The following PDE11A variants were observed in gnomAD, a reference collection of about 807,000 sequenced individuals.
PDE11A encodes phosphodiesterase 11A.
A neutral mutation model predicts 100.5 loss-of-function variants in PDE11A; 100 were observed. The observed-to-expected ratio is 1.00, with a 90% CI of 0.85 to 1.18. PDE11A has a LOEUF of 1.18. Among genes scored for constraint, PDE11A ranks in the 50% most tolerant of loss-of-function variants. PDE11A has a pLI of 0.00. For synonymous variants in PDE11A, 381 were observed against 420.8 expected, an observed-to-expected ratio of 0.91 and a Z score of 1.16; for missense variants, 1,141 against 1,152.6, an observed-to-expected ratio of 0.99 and a Z score of 0.15.
At chr2:177,865,231 C>A (rs1294045641) in intron 5 of PDE11A, among the ~76,000 whole-genome samples, 1 of 152,058 alleles carries the variant, frequency 6.6e-6, no homozygotes, top group Non-Finnish European at 1.5e-5. Flanking sequence ...TGAGCCGAGA[C>A]TGTGCCACTG....
intron 1 of PDE11A, among the ~76,000 whole-genome samples, chr2:178,051,988 G>A (rs549125577): frequency 1.3e-5 from 2 of 152,028 alleles, no homozygotes; most frequent in African/African-American, 4.8e-5. Flanking sequence ...CCCAGGAATT[G>A]AACTCAGCTC....
At chr2:177,845,632 G>A (rs538183056) in intron 5 of PDE11A, among the ~76,000 whole-genome samples, 6 of 152,220 alleles carry the variant, frequency 3.9e-5, no homozygotes, top group South Asian at 2.1e-4. Context: ...ACGGGGTGGC[G>A]GCCGGGCAGA....
At chr2:178,078,879 C>T (rs1340343068) in intron 2 of PDE11A, among the ~76,000 whole-genome samples, 6 of 152,090 alleles carry the variant, frequency 3.9e-5, no homozygotes, top group Admixed American at 6.5e-5. Context: ...GTCTAAGAGT[C>T]ATGTCTTTCC....
At chr2:177,903,237 T>G (rs1373252448) in intron 3 of PDE11A, among the ~76,000 whole-genome samples, 1 of 152,174 alleles carries the variant, frequency 6.6e-6, no homozygotes, top group Non-Finnish European at 1.5e-5. Flanking sequence ...TTATGTGGCT[T>G]TGCTCCTTCT....
intron 9 of PDE11A, among the ~76,000 whole-genome samples, chr2:177,781,539 G>C (rs927192023): frequency 3.4e-5 from 5 of 149,124 alleles, no homozygotes; most frequent in African/African-American, 1.2e-4. Flanking sequence ...CTGTCACTCT[G>C]TTCCCCAGGC....
chr2:177,794,869 T>A (rs2082683637), intron 9 of PDE11A, among the ~76,000 whole-genome samples: 1 of 152,170 alleles, frequency 6.6e-6, no homozygotes, highest in Non-Finnish European at 1.5e-5. Context: ...CACTGCAACC[T>A]CTGCCTCCCG....
chr2:177,636,448 A>G (rs2080039871), intron 19 of PDE11A, among the ~76,000 whole-genome samples: 1 of 152,186 alleles, frequency 6.6e-6, no homozygotes, highest in Non-Finnish European at 1.5e-5. Flanking sequence ...AGGTGTTTTC[A>G]GTGTGTTTCA....
intron 2 of PDE11A, among the ~76,000 whole-genome samples, chr2:178,007,257 C>A (rs541425512): frequency 6.6e-6 from 1 of 152,248 alleles, no homozygotes; most frequent in South Asian, 2.1e-4. Flanking sequence ...TTTCTCTGAA[C>A]TATATTGGCC....
At chr2:177,854,859 G>C (rs771177332) in intron 5 of PDE11A, among the ~76,000 whole-genome samples, 2 of 152,050 alleles carry the variant, frequency 1.3e-5, no homozygotes, top group African/African-American at 2.4e-5. Flanking sequence ...AGGTTATCTG[G>C]ATCACTTGCT....
intron 10 of PDE11A, among the ~76,000 whole-genome samples, chr2:177,733,102 C>G (rs2081718231): frequency 6.6e-6 from 1 of 152,154 alleles, no homozygotes; most frequent in East Asian, 1.9e-4. Flanking sequence ...ATTGCATCTT[C>G]CAAACCTATA....
chr2:177,980,225 T>G (rs2085864736), intron 2 of PDE11A, among the ~76,000 whole-genome samples: 1 of 150,666 alleles, frequency 6.6e-6, no homozygotes, highest in Admixed American at 6.6e-5. Flanking sequence ...ATCCCGATAT[T>G]CCCAATTCTA....
intron 6 of PDE11A, among the ~76,000 whole-genome samples, chr2:177,830,565 C>T (rs2083292589): frequency 6.6e-6 from 1 of 151,052 alleles, no homozygotes; most frequent in South Asian, 2.1e-4. Context: ...TGAGCCACTG[C>T]ACTCCAGCCT....
chr2:177,791,389 G>A (rs867828765), intron 9 of PDE11A, among the ~76,000 whole-genome samples: 11 of 120,390 alleles, frequency 9.1e-5, no homozygotes, highest in East Asian at 2.8e-4. Flanking sequence ...GACTGTTGTC[G>A]GGTGGGGGGA....
At chr2:177,909,959 T>A (rs1019128959) in intron 2 of PDE11A, among the ~76,000 whole-genome samples, 4 of 152,354 alleles carry the variant, frequency 2.6e-5, no homozygotes, top group African/African-American at 7.2e-5. Context: ...TCTTGGTAGA[T>A]TATCTGCCTT....
upstream of PDE11A, among the ~76,000 whole-genome samples, chr2:178,073,909 GTTTT>G (rs796149790): frequency 7.0e-6 from 1 of 143,132 alleles, no homozygotes; most frequent in Admixed American, 7.0e-5. Context: ...ATGTGTCAGG[GTTTT>G]TTTTTTTTTA....
intron 1 of PDE11A, among the ~76,000 whole-genome samples, chr2:178,025,172 AG>A (rs1332582331): frequency 6.6e-6 from 1 of 152,260 alleles, no homozygotes; most frequent in African/African-American, 2.4e-5. Context: ...AGTTCTAAAT[AG>A]TACAAAAGAT....
intron 9 of PDE11A, among the ~76,000 whole-genome samples, chr2:177,815,118 C>A (rs1483175577): frequency 6.6e-6 from 1 of 152,086 alleles, no homozygotes; most frequent in Non-Finnish European, 1.5e-5. Flanking sequence ...ATGGGTGAAG[C>A]AACACTGTGG....
rs868176191 is a variant in PDE11A at position 177,631,522 on chromosome 2, T to A, written c.2647-1960A>T. On this transcript the variant is annotated intron_variant, in intron 19 of 19. Transcript: ENST00000286063. ...AAAAAAAAAAAAAAAAATATATATA[T>A]ATATATATATATATATATATATATA... Among the ~76,000 whole-genome samples the A allele has an allele frequency of 5.9e-4, 8 of 13,510 alleles. 1 individual carries two copies. The highest frequency in any genetic ancestry group is 1.6e-3 in the African/African-American group (8 of 4,860). 8.9% of individuals were successfully genotyped at this position (13,510 alleles called of 152,430 possible).
At chr2:177,841,900 A>G (rs2083497096) in intron 5 of PDE11A, among the ~76,000 whole-genome samples, 1 of 152,184 alleles carries the variant, frequency 6.6e-6, no homozygotes, top group Non-Finnish European at 1.5e-5. Flanking sequence ...AAACAAAAGA[A>G]CAAAAAAGTT....
Sources: gnomAD v4.1 joint callset for allele counts (sites outside exome capture counted in the v4.1 genomes callset) on GRCh38, gnomAD v4.1.1 for gene constraint, MANE v1.5 for transcripts, NCBI Gene and HGNC (gene_info 2026-07-23, HGNC 2026-07-21) for gene names.